LMCD1: variants seen among roughly 807,000 people sequenced by gnomAD.
LMCD1 encodes LIM and cysteine rich domains 1, also known as LIM and cysteine-rich domains protein 1.
Under a neutral mutation model 42.7 loss-of-function variants are expected in LMCD1, and 32 were observed. The observed-to-expected ratio is 0.75, with a 90% confidence interval of 0.57 to 1.01. The LOEUF is 1.01. Among genes scored for constraint, LMCD1 ranks in the 50% least tolerant of loss-of-function variants. The pLI, the probability that LMCD1 is intolerant of heterozygous loss-of-function variation, is 0.00. For missense variants in LMCD1, 458 were observed against 483.1 expected (o/e 0.95, Z 0.49); for synonymous variants, 178 against 184.9 (o/e 0.96, Z 0.30).
intron 1 of LMCD1, among the ~76,000 whole-genome samples, chr3:8,502,305 ATATAT>A (rs1693746287): frequency 4.6e-5 from 1 of 21,734 alleles, no homozygotes; most frequent in Non-Finnish European, 8.4e-5. Context: ...ATTATATATA[ATATAT>A]AAAATATATA....
At chr3:8,524,318 T>C (rs1203102564) in intron 1 of LMCD1, among the ~76,000 whole-genome samples, 1 of 151,900 alleles carries the variant, frequency 6.6e-6, no homozygotes, top group Non-Finnish European at 1.5e-5. Context: ...CCACCTGAAG[T>C]TGGGGAGGGT....
In LMCD1 at chr3:8,571,158, A is replaced by G. The variant is rs1695207108; in HGVS notation, c.*3560A>G. 3 of 151,958 alleles carry G rather than the reference A, an allele frequency of 2.0e-5. No individual in the cohort carries two copies. Among genetic ancestry groups the G allele is most frequent in the Admixed American group, 2.0e-4 (3 of 15,270 alleles). The allele number at this position is 151,958 out of a possible 1,614,324, so 9.4% of individuals were successfully genotyped here. A position where few individuals can be genotyped will look rare whatever the true frequency, so the allele number is the denominator to read the frequency against. ...CCTTGGGGTGTTTTAGGTGCCCTTT[A>G]TCTGTAAGTTCATAATATCCCAGGC... is the stretch of plus-strand genomic sequence containing the variant. On this transcript the variant is annotated 3_prime_UTR_variant, in exon 6 of 6. Transcript: ENST00000157600.
intron 3 of LMCD1, among the ~76,000 whole-genome samples, chr3:8,543,378 TGATA>T (rs1015561297): frequency 3.3e-5 from 3 of 91,404 alleles, no homozygotes; most frequent in African/African-American, 7.5e-5. Context: ...TTTAAACTGC[TGATA>T]GATAGATAGA....
At chr3:8,564,203 A>C (rs947590118) in intron 4 of LMCD1, among the ~76,000 whole-genome samples, 16 of 152,216 alleles carry the variant, frequency 1.1e-4, no homozygotes, top group Non-Finnish European at 1.8e-4. Context: ...TGAGTGTGGA[A>C]TATATAGAAA....
At chr3:8,506,950 G>T (rs1049757301) in intron 1 of LMCD1, among the ~76,000 whole-genome samples, 1 of 152,188 alleles carries the variant, frequency 6.6e-6, no homozygotes, top group Non-Finnish European at 1.5e-5. Context: ...TCGTTCCACT[G>T]AAAGCGGAAT....
intron 3 of LMCD1, among the ~76,000 whole-genome samples, chr3:8,544,626 C>T (rs1694698649): frequency 6.6e-6 from 1 of 152,174 alleles, no homozygotes; most frequent in African/African-American, 2.4e-5. Flanking sequence ...ACTCCCCCAC[C>T]CCACAACAAC....
rs78229021 is a variant in LMCD1 at position 8,539,512 on chromosome 3, G to T, written c.387+2072G>T. 7.7e-3 allele frequency among the ~76,000 whole-genome samples: 1,173 copies of T among 152,238 alleles called. 16 individuals are homozygous for T. Among genetic ancestry groups the T allele is most frequent in the African/African-American group, 0.027 (1,139 of 41,522 alleles). On this transcript the variant is annotated intron_variant, in intron 3 of 5. Transcript: ENST00000157600. Reference sequence around the variant, plus strand: ...AGCTCAGGTCTCCCTCCAGCCCCAGGTCTGGGTAAGCTATCAAGCACGTCT... The same window carrying T: ...AGCTCAGGTCTCCCTCCAGCCCCAGTTCTGGGTAAGCTATCAAGCACGTCT...
intron 1 of LMCD1, among the ~76,000 whole-genome samples, chr3:8,523,091 C>T (rs572427748): frequency 6.6e-6 from 1 of 152,334 alleles, no homozygotes; most frequent in African/African-American, 2.4e-5. Context: ...CATTCTGTTG[C>T]TTTAAATAGT....
intron 5 of LMCD1, among the ~76,000 whole-genome samples, chr3:8,567,236 C>G (rs1233284687): frequency 2.0e-5 from 3 of 152,012 alleles, no homozygotes; most frequent in African/African-American, 7.3e-5. Context: ...TTTATTCCGT[C>G]TGAGAAGCTA....
intron 3 of LMCD1, among the ~76,000 whole-genome samples, chr3:8,542,442 G>A (rs540259064): frequency 1.3e-5 from 2 of 152,248 alleles, no homozygotes; most frequent in South Asian, 2.1e-4. Flanking sequence ...AAAGGACACC[G>A]TGAACGCAGG....
At chr3:8,504,127 T>G (rs1693825625) in intron 1 of LMCD1, among the ~76,000 whole-genome samples, 1 of 152,082 alleles carries the variant, frequency 6.6e-6, no homozygotes, top group Non-Finnish European at 1.5e-5. Flanking sequence ...TTTTATCTCT[T>G]GGGACTGCGA....
At position 8,567,707 on chromosome 3, in the gene LMCD1, C is replaced by G; in HGVS notation, c.*109C>G. The G allele has an allele frequency of 9.4e-7, 1 of 1,058,894 alleles. No individual in the cohort carries two copies. Among genetic ancestry groups the G allele is most frequent in the South Asian group, 1.5e-5 (1 of 65,072 alleles). 65.6% of individuals were successfully genotyped at this position (1,058,894 alleles called of 1,614,324 possible). A position where few individuals can be genotyped will look rare whatever the true frequency, so the allele number is the denominator to read the frequency against. ...TGTGACAGCAAGCAAGTGAAATAAA[C>G]AATGATTTGCTTTTCAGTGAGAATA... On this transcript the variant is annotated 3_prime_UTR_variant, in exon 6 of 6. Transcript: ENST00000157600.
At position 8,537,454 on chromosome 3, in the gene LMCD1, C is replaced by G. The variant is rs936127852; in HGVS notation, c.387+14C>G. The stretch of plus-strand genomic sequence containing the variant: ...ACCCAGAAACTGGTAAGAGAGCTTC[C>G]CCAACCAAGCAGTTGTTTTCCTATC... On this transcript the variant is annotated intron_variant, in intron 3 of 5. Transcript: ENST00000157600. The G allele has an allele frequency of 2.6e-6, 4 of 1,543,800 alleles. No individual in the cohort carries two copies. In the South Asian group the frequency reaches 3.8e-5, roughly 15 times the overall value.
intron 2 of LMCD1, among the ~76,000 whole-genome samples, chr3:8,534,429 A>C (rs1416588450): frequency 6.6e-6 from 1 of 152,220 alleles, no homozygotes; most frequent in East Asian, 1.9e-4. Context: ...AAATGATTTG[A>C]ACATCAAGTG....
At chr3:8,558,392 A>G (rs901088748) in intron 4 of LMCD1, among the ~76,000 whole-genome samples, 1 of 152,186 alleles carries the variant, frequency 6.6e-6, no homozygotes, top group African/African-American at 2.4e-5. Context: ...TAAGAATCTC[A>G]TGCCATTAGA....
chr3:8,543,623 C>CAG (rs1290309550), intron 3 of LMCD1, among the ~76,000 whole-genome samples: 4 of 152,184 alleles, frequency 2.6e-5, no homozygotes, highest in Admixed American at 2.6e-4. Context: ...GCCAGGTCTA[C>CAG]AGGCATGTGC....
chr3:8,550,575 G>T (rs1694823026), intron 4 of LMCD1: 3 of 985,066 alleles, frequency 3.0e-6, no homozygotes, highest in Non-Finnish European at 3.6e-6. Flanking sequence ...TGTTTTATCT[G>T]AGAACTCTAA....
At chr3:8,553,800 AT>A (rs1298548617) in intron 4 of LMCD1, among the ~76,000 whole-genome samples, 1 of 152,194 alleles carries the variant, frequency 6.6e-6, no homozygotes, top group African/African-American at 2.4e-5. Context: ...TGCCCTCTTC[AT>A]GGGGCAATAC....
chr3:8,541,879 G>A (rs903505942), intron 3 of LMCD1, among the ~76,000 whole-genome samples: 6 of 152,066 alleles, frequency 3.9e-5, no homozygotes, highest in African/African-American at 7.2e-5. Flanking sequence ...GATTAGCAAC[G>A]TTTGTGAATA....
Sources: gnomAD v4.1 joint callset for allele counts (sites outside exome capture counted in the v4.1 genomes callset) on GRCh38, gnomAD v4.1.1 for gene constraint, MANE v1.5 for transcripts, NCBI Gene and HGNC (gene_info 2026-07-23, HGNC 2026-07-21) for gene names.